DTNA: variants seen among roughly 807,000 people sequenced by gnomAD.
DTNA encodes dystrobrevin alpha, also known as dystrophin-related protein 3.
DTNA carries 43 observed loss-of-function variants against 100.7 expected under a neutral mutation model. The observed-to-expected ratio is 0.43, with a 90% confidence interval of 0.33 to 0.55. DTNA has a LOEUF of 0.55. Among genes scored for constraint, DTNA ranks in the 20% least tolerant of loss-of-function variants. The pLI is 0.04. For missense variants in DTNA, 798 were observed against 953.9 expected (o/e 0.84, Z 2.15); for synonymous variants, 349 against 347.9 (o/e 1.00, Z -0.04).
chr18:34,811,849 TA>T, intron 5 of DTNA, 109 bp from the exon 6 acceptor site: 2 of 1,270,572 alleles, frequency 1.6e-6, no homozygotes, highest in Non-Finnish European at 2.2e-6. Flanking sequence ...TATTCTTTCA[TA>T]AAAAATGTTT....
intron 3 of DTNA, among the ~76,000 whole-genome samples, chr18:34,776,892 A>G (rs2094083942): frequency 6.6e-6 from 1 of 152,194 alleles, no homozygotes; most frequent in Non-Finnish European, 1.5e-5. Context: ...TTCACTGGGA[A>G]CATACCAGGC....
At chr18:34,496,031 C>CT (rs1266203683) in intron 1 of DTNA, among the ~76,000 whole-genome samples, 2 of 151,976 alleles carry the variant, frequency 1.3e-5, no homozygotes, top group Non-Finnish European at 2.9e-5. Flanking sequence ...CATAGATTTC[C>CT]TTTAATTCTC....
chr18:34,649,646 G>T (rs1406168407), intron 1 of DTNA, among the ~76,000 whole-genome samples: 1 of 151,992 alleles, frequency 6.6e-6, no homozygotes, highest in African/African-American at 2.4e-5. Flanking sequence ...AAAACTTTTG[G>T]TTGTTTCTGC....
intron 1 of DTNA, among the ~76,000 whole-genome samples, chr18:34,714,529 A>G (rs543005670): frequency 2.0e-5 from 3 of 149,486 alleles, no homozygotes; most frequent in South Asian, 4.4e-4. Flanking sequence ...CAAAACCACA[A>G]TGAGATACCA....
At chr18:34,537,833 T>C (rs2043866067) in intron 1 of DTNA, among the ~76,000 whole-genome samples, 1 of 152,082 alleles carries the variant, frequency 6.6e-6, no homozygotes, top group African/African-American at 2.4e-5. Flanking sequence ...AGATTAGACT[T>C]TGATGAAATG....
intron 5 of DTNA, among the ~76,000 whole-genome samples, chr18:34,810,735 T>C (rs1229407180): frequency 6.6e-6 from 1 of 152,146 alleles, no homozygotes; most frequent in African/African-American, 2.4e-5. Context: ...ATGTTTGAAA[T>C]GAAGGTAACG....
intron 1 of DTNA, among the ~76,000 whole-genome samples, chr18:34,532,227 A>T (rs186470894): frequency 6.6e-6 from 1 of 152,244 alleles, no homozygotes; most frequent in Non-Finnish European, 1.5e-5. Context: ...GTTAATTCTG[A>T]TGAGGGCATT....
At chr18:34,614,747 G>T (rs1410611651) in intron 1 of DTNA, among the ~76,000 whole-genome samples, 2 of 152,210 alleles carry the variant, frequency 1.3e-5, no homozygotes, top group African/African-American at 4.8e-5. Flanking sequence ...TTACAGATGA[G>T]CAAAGGAAGT....
At chr18:34,503,752 C>T (rs931584343) in intron 1 of DTNA, among the ~76,000 whole-genome samples, 1 of 150,070 alleles carries the variant, frequency 6.7e-6, no homozygotes, top group East Asian at 1.9e-4. Context: ...TTCCTACCAT[C>T]CTGTTATTTA....
intron 1 of DTNA, among the ~76,000 whole-genome samples, chr18:34,661,647 A>G (rs2075204586): frequency 6.6e-6 from 1 of 152,174 alleles, no homozygotes; most frequent in Non-Finnish European, 1.5e-5. Context: ...GGATGAATGA[A>G]CATTCAGCTA....
At chr18:34,748,547 C>T (rs2091939787) in intron 1 of DTNA, among the ~76,000 whole-genome samples, 2 of 152,100 alleles carry the variant, frequency 1.3e-5, no homozygotes, top group African/African-American at 2.4e-5. Context: ...TTTCCAACAC[C>T]ACTTATTAAA....
chr18:34,840,076 A>T (rs2096240698), intron 13 of DTNA, among the ~76,000 whole-genome samples: 1 of 152,222 alleles, frequency 6.6e-6, no homozygotes, highest in African/African-American at 2.4e-5. Context: ...GATAATTTTT[A>T]GTTCTCATGA....
At chr18:34,683,003 T>A (rs2078346237) in intron 1 of DTNA, among the ~76,000 whole-genome samples, 1 of 152,178 alleles carries the variant, frequency 6.6e-6, no homozygotes, top group Non-Finnish European at 1.5e-5. Context: ...GTATTATTTT[T>A]ATTTTTAAAA....
At chr18:34,601,659 C>T (rs543285727) in intron 1 of DTNA, among the ~76,000 whole-genome samples, 26 of 152,312 alleles carry the variant, frequency 1.7e-4, no homozygotes, top group Admixed American at 6.5e-4. Flanking sequence ...ACGCCACCTG[C>T]GATCTGATAC....
intron 1 of DTNA, among the ~76,000 whole-genome samples, chr18:34,572,040 C>G (rs1172958513): frequency 6.6e-6 from 1 of 152,146 alleles, no homozygotes; most frequent in East Asian, 1.9e-4. Context: ...TATCAAAATT[C>G]AGTCAGTTAT....
intron 2 of DTNA, among the ~76,000 whole-genome samples, chr18:34,758,055 G>A (rs1358935807): frequency 6.6e-6 from 1 of 152,194 alleles, no homozygotes; most frequent in Admixed American, 6.5e-5. Context: ...GGGAGCAATT[G>A]ATTTTGACAG....
intron 7 of DTNA, among the ~76,000 whole-genome samples, chr18:34,817,707 C>T (rs1445062361): frequency 6.6e-6 from 1 of 152,140 alleles, no homozygotes; most frequent in African/African-American, 2.4e-5. Context: ...GCCCATCTTC[C>T]TTTCTTTTTT....
intron 1 of DTNA, among the ~76,000 whole-genome samples, chr18:34,496,981 A>G (rs2039311339): frequency 6.6e-6 from 1 of 152,228 alleles, no homozygotes; most frequent in Non-Finnish European, 1.5e-5. Flanking sequence ...ATCCATGGAC[A>G]TGGGGAGGTT....
At chr18:34,733,348 A>C (rs1432502056) in intron 1 of DTNA, among the ~76,000 whole-genome samples, 1 of 152,036 alleles carries the variant, frequency 6.6e-6, no homozygotes, top group Non-Finnish European at 1.5e-5. Context: ...TTCTTGTATA[A>C]ATTAAGTAGG....
Sources: gnomAD v4.1 joint callset for allele counts (sites outside exome capture counted in the v4.1 genomes callset) on GRCh38, gnomAD v4.1.1 for gene constraint, MANE v1.5 for transcripts, NCBI Gene and HGNC (gene_info 2026-07-23, HGNC 2026-07-21) for gene names.